The following HPCAL1 variants were observed in gnomAD, a reference collection of about 807,000 sequenced individuals.
The protein encoded by HPCAL1 is hippocalcin-like protein 1.
Under a neutral mutation model 17.1 loss-of-function variants are expected in HPCAL1, and 8 were observed. The observed-to-expected ratio is 0.47, with a 90% CI of 0.27 to 0.84. The LOEUF (loss-of-function observed/expected upper bound fraction) is 0.84. Ranked by LOEUF, HPCAL1 falls within the 40% of genes least tolerant of loss-of-function variation. HPCAL1 has a pLI of 0.13. For synonymous variants in HPCAL1, 112 were observed against 111.4 expected, an observed-to-expected ratio of 1.01 and a Z score of -0.03; for missense variants, 165 against 271.1, an observed-to-expected ratio of 0.61 and a Z score of 2.75.
intron 1 of HPCAL1, among the ~76,000 whole-genome samples, chr2:10,327,928 A>G (rs1664116547): frequency 6.6e-6 from 1 of 152,198 alleles, no homozygotes; most frequent in African/African-American, 2.4e-5. Flanking sequence ...TCATTTCCTG[A>G]CTGATATATC....
intron 1 of HPCAL1, among the ~76,000 whole-genome samples, chr2:10,340,071 A>C (rs1664981947): frequency 6.6e-6 from 1 of 152,204 alleles, no homozygotes; most frequent in Non-Finnish European, 1.5e-5. Flanking sequence ...TGCTTCTCAT[A>C]GTATGAGCCT....
rs944467897 is a variant in HPCAL1, at chr2:10,365,241, G to T, written c.-110-31594G>T. On this transcript the variant is annotated intron_variant, in intron 1 of 4. Transcript: ENST00000307845. The surrounding 1 kb of genome is among the most constrained non-coding windows in gnomAD (Gnocchi z 4.8). ...ACCCTGACCTTGCTCCTCTTGGATG[G>T]TATTGGGTGGCATTCCAGGACAGCT... 3.9e-5 allele frequency among the ~76,000 whole-genome samples: 6 copies of T among 152,232 alleles called. No homozygotes were observed. Among genetic ancestry groups the T allele is most frequent in the African/African-American group, 1.4e-4 (6 of 41,462 alleles).
chr2:10,386,779 C>T (rs1188503613), intron 1 of HPCAL1, among the ~76,000 whole-genome samples: 1 of 152,218 alleles, frequency 6.6e-6, no homozygotes, highest in Admixed American at 6.5e-5. Context: ...ACCAGCCCCG[C>T]TGCCTGGACC....
chr2:10,381,982 C>T (rs376840130), intron 1 of HPCAL1, among the ~76,000 whole-genome samples: 1 of 152,208 alleles, frequency 6.6e-6, no homozygotes, highest in Non-Finnish European at 1.5e-5. Context: ...GTGTTCATAG[C>T]GACTTTATTC....
In HPCAL1 at chr2:10,342,311, T is replaced by G. The variant is rs1665139814; in HGVS notation, c.-111+39134T>G. Among the ~76,000 whole-genome samples the G allele has an allele frequency of 6.6e-6, 1 of 152,226 alleles. No homozygotes were observed. The highest frequency in any genetic ancestry group is 1.5e-5 in the Non-Finnish European group (1 of 68,046). On this transcript the variant is annotated intron_variant, in intron 1 of 4. Coordinates refer to ENST00000307845, the MANE Select transcript of HPCAL1 (RefSeq NM_002149.4). The surrounding 1 kb of genome is among the most constrained non-coding windows in gnomAD (Gnocchi z 4.1). ...AACAGGCCGAGGTGGGGACCCTGCCTCGCCCGCCTCCAGGGGCACACTGCA... is the reference window on the plus strand; with the variant it reads ...AACAGGCCGAGGTGGGGACCCTGCCGCGCCCGCCTCCAGGGGCACACTGCA...
chr2:10,326,179 G>A (rs907532198), intron 1 of HPCAL1, among the ~76,000 whole-genome samples: 1 of 152,204 alleles, frequency 6.6e-6, no homozygotes, highest in Admixed American at 6.5e-5. Context: ...AACCCAGAAG[G>A]AAGAGGGGTG....
chr2:10,394,012 G>A lies in HPCAL1; in HGVS notation c.-110-2823G>A, dbSNP rs902484662. ...CACCTGTAGTCCCAGTTACTTGGGA[G>A]GCTGAGGCTGGAGGATTGCTTGAGC... is the stretch of plus-strand genomic sequence containing the variant. On this transcript the variant is annotated intron_variant, in intron 1 of 4. Transcript: ENST00000307845. The surrounding 1 kb of genome is among the most constrained non-coding windows in gnomAD (Gnocchi z 5.0). Among the ~76,000 whole-genome samples the A allele has an allele frequency of 6.6e-6, 1 of 151,920 alleles. No homozygotes were observed. Among genetic ancestry groups the A allele is most frequent in the Admixed American group, 6.5e-5 (1 of 15,268 alleles).
chr2:10,337,506 C>T (rs2125435194), intron 1 of HPCAL1, among the ~76,000 whole-genome samples: 1 of 152,280 alleles, frequency 6.6e-6, no homozygotes, highest in East Asian at 1.9e-4. Flanking sequence ...AACAGCATAT[C>T]TAGCTTGGTA....
intron 4 of HPCAL1, chr2:10,424,653 GC>G (rs1408396732): frequency 4.3e-6 from 2 of 470,506 alleles, no homozygotes; most frequent in Non-Finnish European, 8.8e-6. Context: ...TTGCTAATGT[GC>G]CTGCTGGGAT....
intron 1 of HPCAL1, among the ~76,000 whole-genome samples, chr2:10,358,263 G>A (rs886517290): frequency 1.3e-5 from 2 of 152,358 alleles, no homozygotes; most frequent in East Asian, 1.9e-4. Context: ...AATCAGTAGT[G>A]TCACAATCTC....
Position 10,365,291 on chromosome 2 carries a change from C to G in HPCAL1, c.-110-31544C>G, listed in dbSNP as rs1666779384. On this transcript the variant is annotated intron_variant, in intron 1 of 4. Transcript: ENST00000307845. This position sits in a 1 kb window ranked among gnomAD's most constrained non-coding sequence, Gnocchi z 4.8. ...TGGGATCTTGATCATCCAGTGGGTG[C>G]CCTCACTGTGCACCTGCCTCCAGGT... Among the ~76,000 whole-genome samples the G allele has an allele frequency of 6.6e-6, 1 of 152,212 alleles. No homozygotes were observed. The highest frequency in any genetic ancestry group is 2.1e-4 in the South Asian group (1 of 4,836).
intron 3 of HPCAL1, among the ~76,000 whole-genome samples, chr2:10,421,668 T>G (rs1426453173): frequency 6.6e-6 from 1 of 152,128 alleles, no homozygotes; most frequent in African/African-American, 2.4e-5. Context: ...ACTGCTGCAT[T>G]CCAGCCTGGG....
intron 1 of HPCAL1, among the ~76,000 whole-genome samples, chr2:10,390,785 A>T (rs548558472): frequency 2.6e-5 from 4 of 152,018 alleles, no homozygotes; most frequent in Admixed American, 6.6e-5. Flanking sequence ...CCGGCCTGGG[A>T]CTGGGCCAAG....
At chr2:10,423,373 G>T (rs1482857577) in intron 4 of HPCAL1, 6 of 370,292 alleles carry the variant, frequency 1.6e-5, no homozygotes, top group African/African-American at 8.3e-5. Flanking sequence ...ATTCCCGTGG[G>T]TACAATGTTT....
chr2:10,422,084 C>A (rs1671096685), intron 3 of HPCAL1, among the ~76,000 whole-genome samples: 1 of 152,170 alleles, frequency 6.6e-6, no homozygotes, highest in Non-Finnish European at 1.5e-5. Context: ...ACTGGTAGAA[C>A]TGTTCCAAGC....
At chr2:10,421,945 A>G (rs1671087484) in intron 3 of HPCAL1, among the ~76,000 whole-genome samples, 1 of 152,170 alleles carries the variant, frequency 6.6e-6, no homozygotes, top group Non-Finnish European at 1.5e-5. Context: ...TCTTAGCTTC[A>G]TGCAGTGGCG....
intron 1 of HPCAL1, among the ~76,000 whole-genome samples, chr2:10,311,506 A>C (rs1180521893): frequency 2.0e-5 from 3 of 152,166 alleles, no homozygotes; most frequent in Non-Finnish European, 4.4e-5. Flanking sequence ...TCTTGGTGAT[A>C]TGCTGTTACC....
At chr2:10,309,308 A>G (rs1375250897) in intron 1 of HPCAL1, among the ~76,000 whole-genome samples, 3 of 152,326 alleles carry the variant, frequency 2.0e-5, no homozygotes, top group Non-Finnish European at 2.9e-5. Flanking sequence ...TGCTGGAATT[A>G]TAAGTGTGAA....
intron 1 of HPCAL1, among the ~76,000 whole-genome samples, chr2:10,360,949 C>T (rs147476013): frequency 2.0e-5 from 3 of 151,238 alleles, no homozygotes; most frequent in Non-Finnish European, 4.4e-5. Flanking sequence ...TTTGCCTGTC[C>T]AGCAGTATTC....
Sources: allele counts gnomAD v4.1 joint callset (sites outside exome capture counted in the v4.1 genomes callset), GRCh38; gene constraint gnomAD v4.1.1; non-coding constraint Gnocchi (gnomAD v3.1); transcripts MANE v1.5; gene names NCBI Gene and HGNC (gene_info 2026-07-23, HGNC 2026-07-21).